The following FBXL17 variants were observed in gnomAD, a reference collection of about 807,000 sequenced individuals.
FBXL17 encodes the protein F-box and leucine rich repeat protein 17.
FBXL17 carries 22 observed loss-of-function variants against 66.2 expected under a neutral mutation model. The ratio of observed to expected loss-of-function variants is 0.33; its 90% CI spans 0.24 to 0.47. The LOEUF (loss-of-function observed/expected upper bound fraction) is 0.47, where lower values mean the gene tolerates loss of function less well. Ranked by LOEUF, FBXL17 falls within the 20% of genes least tolerant of loss-of-function variation. FBXL17 has a pLI of 1.00. For missense variants in FBXL17, 878 were observed against 948.2 expected (o/e 0.93, Z 0.97); for synonymous variants, 474 against 400.5 (o/e 1.18, Z -2.19).
chr5:108,106,016 G>C (rs1749781690), intron 6 of FBXL17, among the ~76,000 whole-genome samples: 1 of 152,092 alleles, frequency 6.6e-6, no homozygotes, highest in Non-Finnish European at 1.5e-5. Context: ...ATTTTAAATA[G>C]GGGGAAACTG....
chr5:108,183,743 A>G (rs1031470526), intron 6 of FBXL17, among the ~76,000 whole-genome samples: 1 of 152,040 alleles, frequency 6.6e-6, no homozygotes, highest in African/African-American at 2.4e-5. Flanking sequence ...TGGAGTTCCC[A>G]TGTCCATTAT....
At chr5:107,874,000 TAC>T (rs942377543) in intron 8 of FBXL17, among the ~76,000 whole-genome samples, 1 of 152,164 alleles carries the variant, frequency 6.6e-6, no homozygotes, top group Non-Finnish European at 1.5e-5. Flanking sequence ...TAAAAGGTTC[TAC>T]ACAGATGTTG....
In FBXL17 at chr5:108,069,424, A is replaced by G. The variant is rs186925723; in HGVS notation, c.1746-48423T>C. On this transcript the variant is annotated intron_variant, in intron 6 of 8. Coordinates refer to ENST00000542267, the MANE Select transcript of FBXL17 (RefSeq NM_001163315.3). ...AAACAACATATGGAATATGAGTGCT[A>G]TCTATGTGCAATGAAACAATAAGGA... Among the ~76,000 whole-genome samples the G allele has an allele frequency of 2.8e-3, 432 of 152,334 alleles. 2 individuals carry two copies. The highest frequency in any genetic ancestry group is 0.01 in the Middle Eastern group (3 of 294).
At chr5:108,098,089 T>C (rs966920080) in intron 6 of FBXL17, among the ~76,000 whole-genome samples, 2 of 152,080 alleles carry the variant, frequency 1.3e-5, no homozygotes, top group African/African-American at 4.8e-5. Flanking sequence ...TGGACAAGCA[T>C]ATGGTCAGAT....
At chr5:108,338,952 T>C (rs1746695104) in intron 4 of FBXL17, among the ~76,000 whole-genome samples, 1 of 152,158 alleles carries the variant, frequency 6.6e-6, no homozygotes, top group African/African-American at 2.4e-5. Flanking sequence ...ATCACCTGTA[T>C]ATCTTTGCCT....
chr5:108,333,349 AT>A (rs1407153834), intron 4 of FBXL17, among the ~76,000 whole-genome samples: 1 of 152,046 alleles, frequency 6.6e-6, no homozygotes, highest in African/African-American at 2.4e-5. Context: ...AAAACCAAAC[AT>A]GAGACTTCAT....
chr5:108,153,358 T>C (rs914108988), intron 6 of FBXL17, among the ~76,000 whole-genome samples: 1 of 152,358 alleles, frequency 6.6e-6, no homozygotes, highest in Admixed American at 6.5e-5. Context: ...TTATGATACA[T>C]GGCACTGAAG....
intron 6 of FBXL17, among the ~76,000 whole-genome samples, chr5:108,054,246 T>TAAA (rs34035220): frequency 2.1e-5 from 3 of 146,110 alleles, no homozygotes; most frequent in African/African-American, 7.7e-5. Context: ...AAATAAAAAT[T>TAAA]AAAAAAAAAA....
At chr5:107,899,622 A>G (rs761617754) in intron 7 of FBXL17, among the ~76,000 whole-genome samples, 94 of 152,146 alleles carry the variant, frequency 6.2e-4, no homozygotes, top group Non-Finnish European at 1.5e-4. Flanking sequence ...TCTTAAAAGA[A>G]GATTTTTGAT....
At chr5:108,253,140 T>C (rs1756431643) in intron 4 of FBXL17, among the ~76,000 whole-genome samples, 1 of 152,134 alleles carries the variant, frequency 6.6e-6, no homozygotes, top group Admixed American at 6.6e-5. Context: ...ACTGTTAAAG[T>C]TAATGAAGAG....
intron 7 of FBXL17, among the ~76,000 whole-genome samples, chr5:108,012,581 A>G (rs1754216302): frequency 6.6e-6 from 1 of 152,216 alleles, no homozygotes; most frequent in South Asian, 2.1e-4. Flanking sequence ...TGCTAATAAT[A>G]AATACAACAC....
At chr5:107,904,910 G>C (rs376370893) in intron 7 of FBXL17, among the ~76,000 whole-genome samples, 1 of 152,008 alleles carries the variant, frequency 6.6e-6, no homozygotes, top group South Asian at 2.1e-4. Flanking sequence ...AGGACCTCTG[G>C]GTCCCTCATT....
At chr5:107,939,601 A>G (rs1433534549) in intron 7 of FBXL17, among the ~76,000 whole-genome samples, 1 of 152,138 alleles carries the variant, frequency 6.6e-6, no homozygotes, top group African/African-American at 2.4e-5. Flanking sequence ...CTCTACCCTC[A>G]GTAGATTCTC....
chr5:107,899,351 A>T (rs1366333277), intron 7 of FBXL17, among the ~76,000 whole-genome samples: 1 of 152,152 alleles, frequency 6.6e-6, no homozygotes, highest in Admixed American at 6.6e-5. Context: ...CTTGGGGGGA[A>T]TCAAAGAGTT....
At chr5:108,136,863 T>C (rs1260865907) in intron 6 of FBXL17, among the ~76,000 whole-genome samples, 1 of 152,186 alleles carries the variant, frequency 6.6e-6, no homozygotes, top group Non-Finnish European at 1.5e-5. Flanking sequence ...GAAGATTTGA[T>C]GAATCCAGAA....
At chr5:108,242,822 T>TA (rs1243119350) in intron 4 of FBXL17, among the ~76,000 whole-genome samples, 1 of 152,086 alleles carries the variant, frequency 6.6e-6, no homozygotes, top group African/African-American at 2.4e-5. Flanking sequence ...TTATTATATC[T>TA]AAAAAAATTC....
chr5:108,055,639 A>T (rs1165381826), intron 6 of FBXL17, among the ~76,000 whole-genome samples: 7 of 150,938 alleles, frequency 4.6e-5, no homozygotes, highest in Non-Finnish European at 7.4e-5. Context: ...AAAGAGAGAA[A>T]AAACCCTTCA....
intron 4 of FBXL17, among the ~76,000 whole-genome samples, chr5:108,327,247 G>A (rs894024903): frequency 6.6e-6 from 1 of 152,184 alleles, no homozygotes; most frequent in Non-Finnish European, 1.5e-5. Flanking sequence ...GTTGACATAA[G>A]AGAAAGCTAA....
chr5:108,251,615 A>C (rs1756354052), intron 4 of FBXL17, among the ~76,000 whole-genome samples: 1 of 152,094 alleles, frequency 6.6e-6, no homozygotes, highest in Admixed American at 6.6e-5. Flanking sequence ...CAGGACAAGC[A>C]GGTTACAAAC....
Sources: allele counts gnomAD v4.1 joint callset (sites outside exome capture counted in the v4.1 genomes callset), GRCh38; gene constraint gnomAD v4.1.1; transcripts MANE v1.5; gene names NCBI Gene and HGNC (gene_info 2026-07-23, HGNC 2026-07-21).